POTEJ: variants seen among roughly 807,000 people sequenced by gnomAD.
POTEJ encodes POTE ankyrin domain family, member J.
Under a neutral mutation model 69.0 loss-of-function variants are expected in POTEJ, and 11 were observed. The ratio of observed to expected loss-of-function variants is 0.16; its 90% CI spans 0.10 to 0.26. The LOEUF is 0.26. Ranked by LOEUF, POTEJ falls within the 10% of genes least tolerant of loss-of-function variation. The pLI is 1.00. For missense variants in POTEJ, 327 were observed against 1,045.5 expected, an observed-to-expected ratio of 0.31 and a Z score of 9.48; for synonymous variants, 117 against 381.1, an observed-to-expected ratio of 0.31 and a Z score of 8.07.
upstream of POTEJ, among the ~76,000 whole-genome samples, chr2:130,611,299 T>TGGG (rs1303951185): frequency 4.1e-4 from 18 of 44,016 alleles, no homozygotes; most frequent in South Asian, 1.4e-3. Flanking sequence ...GGTGTTTTCT[T>TGGG]GGGGGGGGGG....
At chr2:130,652,220 C>G (rs910395622) in intron 13 of POTEJ, among the ~76,000 whole-genome samples, 4 of 136,156 alleles carry the variant, frequency 2.9e-5, no homozygotes, top group Admixed American at 1.4e-4. Flanking sequence ...TCCCCTTCCC[C>G]TTCTACCATG....
At chr2:130,643,103 A>G (rs1686452224) in intron 10 of POTEJ, among the ~76,000 whole-genome samples, 1 of 147,632 alleles carries the variant, frequency 6.8e-6, no homozygotes, top group Non-Finnish European at 1.5e-5. Context: ...ATGTGGAGGA[A>G]TAATGTACAG....
chr2:130,648,710 GCTGCTCCTCAT>G (rs1686684922), intron 13 of POTEJ, among the ~76,000 whole-genome samples: 1 of 137,998 alleles, frequency 7.2e-6, no homozygotes, highest in Non-Finnish European at 1.5e-5. Flanking sequence ...TGTTTTGCTT[GCTGCTCCTCAT>G]CTTTCTCCTT....
chr2:130,636,250 A>G, intron 9 of POTEJ, among the ~76,000 whole-genome samples: 2 of 152,224 alleles, frequency 1.3e-5, no homozygotes, highest in Non-Finnish European at 2.9e-5. Flanking sequence ...ACATTAAGGA[A>G]CATCCACTTT....
intron 1 of POTEJ, among the ~76,000 whole-genome samples, chr2:130,613,290 A>ATATGTATATATATG (rs1685292530): frequency 1.0e-5 from 1 of 98,610 alleles, no homozygotes; most frequent in Admixed American, 9.3e-5. Flanking sequence ...GTATATATAC[A>ATATGTATATATATG]TATATATACA....
At position 130,656,986 on chromosome 2, in the gene POTEJ, G is replaced by T; in HGVS notation, c.2226G>T (p.Trp742Cys). The change falls in exon 15 of 15, where the codon TGG becomes TGT. Residue 742 changes from tryptophan (W) to cysteine (C), a missense_variant. By Grantham distance (215) the Trp-to-Cys change is radical. Coordinates refer to ENST00000409602, the MANE Select transcript of POTEJ (RefSeq NM_001277083.2). ...YPMEHGIITNWDDMEKIWHHT... is the reference protein window; with the variant it reads ...YPMEHGIITNCDDMEKIWHHT... ...TGGAACACGGCATCATCACCAACTG[G>T]GATGACATGGAGAAGATCTGGCACC... 2 of 1,584,624 alleles carry T rather than the reference G, an allele frequency of 1.3e-6. No individual in the cohort carries two copies. Among genetic ancestry groups the T allele is most frequent in the Non-Finnish European group, 1.7e-6 (2 of 1,158,902 alleles).
At chr2:130,612,585 C>T (rs1336828736) in intron 1 of POTEJ, among the ~76,000 whole-genome samples, 1 of 152,108 alleles carries the variant, frequency 6.6e-6, no homozygotes, top group African/African-American at 2.4e-5. Flanking sequence ...ACGGTGAAAC[C>T]CTGTCTCTAC....
chr2:130,638,172 T>C (rs1350886347), intron 9 of POTEJ, among the ~76,000 whole-genome samples: 1 of 150,954 alleles, frequency 6.6e-6, no homozygotes, highest in Non-Finnish European at 1.5e-5. Context: ...AATTATTCCA[T>C]TGTTTTACTA....
chr2:130,612,069 AC>A (rs1685230566), intron 1 of POTEJ, 127 bp downstream of exon 1: 1 of 1,561,868 alleles, frequency 6.4e-7, no homozygotes, highest in Non-Finnish European at 8.7e-7. Flanking sequence ...GGTTGTGGAA[AC>A]CTCAGAGAGG....
At chr2:130,639,857 A>G (rs1228065590) in intron 10 of POTEJ, among the ~76,000 whole-genome samples, 1 of 152,340 alleles carries the variant, frequency 6.6e-6, no homozygotes, top group Admixed American at 6.5e-5. Flanking sequence ...AATAACTGTC[A>G]AATGTCTTTT....
In POTEJ at chr2:130,643,592, T is replaced by C. The variant is rs1441667336; in HGVS notation, c.1370-391T>C. Among the ~76,000 whole-genome samples the C allele has an allele frequency of 9.9e-4, 144 of 144,942 alleles. 2 individuals carry two copies. The highest frequency in any genetic ancestry group is 6.0e-3 in the East Asian group (31 of 5,138). ...GGAAACATTTTAGATATTAGGAAGA[T>C]GTTGTACACTAATAAAGGTGTCAGC... On this transcript the variant is annotated intron_variant, in intron 10 of 14. Coordinates refer to ENST00000409602, the MANE Select transcript of POTEJ (RefSeq NM_001277083.2).
chr2:130,631,613 A>C lies in POTEJ; in HGVS notation c.1131+160A>C, dbSNP rs1685903597. Among the ~76,000 whole-genome samples the C allele has an allele frequency of 2.1e-5, 3 of 141,478 alleles. 1 individual carries two copies. 92.8% of individuals were successfully genotyped at this position (141,478 alleles called of 152,430 possible). On this transcript the variant is annotated intron_variant, in intron 8 of 14. Coordinates refer to ENST00000409602, the MANE Select transcript of POTEJ (RefSeq NM_001277083.2). ...AACTCAGAAAGAATTCTGTACTTTGAGTTTTCAAGAGATACAAACCCTAGA... is the reference window on the plus strand; with the variant it reads ...AACTCAGAAAGAATTCTGTACTTTGCGTTTTCAAGAGATACAAACCCTAGA...
At chr2:130,656,094 C>T (rs1379743499) in intron 14 of POTEJ, among the ~76,000 whole-genome samples, 1 of 145,328 alleles carries the variant, frequency 6.9e-6, no homozygotes, top group Non-Finnish European at 1.5e-5. Flanking sequence ...TCCTTCTGTC[C>T]AAATATATGC....
intron 1 of POTEJ, among the ~76,000 whole-genome samples, chr2:130,615,736 C>T (rs1218104942): frequency 6.0e-5 from 9 of 149,156 alleles, no homozygotes; most frequent in Non-Finnish European, 1.0e-4. Flanking sequence ...CAAACCTGCA[C>T]ATCCGGCACA....
intron 11 of POTEJ, 57 bp from the exon 12 acceptor site, chr2:130,645,680 G>C: frequency 5.9e-6 from 2 of 339,412 alleles, no homozygotes; most frequent in Non-Finnish European, 1.1e-5. Context: ...CACTCCAAAA[G>C]AGGAAATGTC....
At chr2:130,649,281 C>T (rs1166665638) in intron 13 of POTEJ, among the ~76,000 whole-genome samples, 2 of 152,082 alleles carry the variant, frequency 1.3e-5, no homozygotes, top group South Asian at 2.1e-4. Flanking sequence ...GAAATCTACA[C>T]CTCATGTAGT....
At chr2:130,637,657 G>C (rs570358952) in intron 9 of POTEJ, among the ~76,000 whole-genome samples, 1 of 152,286 alleles carries the variant, frequency 6.6e-6, no homozygotes, top group African/African-American at 2.4e-5. Context: ...AACGTGTGGG[G>C]TGTTGTGTAC....
intron 1 of POTEJ, among the ~76,000 whole-genome samples, chr2:130,613,245 C>T (rs1483908943): frequency 6.3e-5 from 8 of 126,252 alleles, no homozygotes; most frequent in Non-Finnish European, 1.2e-4. Flanking sequence ...CATATATATA[C>T]ATATATATAC....
At chr2:130,641,272 A>T (rs1316131366) in intron 10 of POTEJ, among the ~76,000 whole-genome samples, 2 of 152,154 alleles carry the variant, frequency 1.3e-5, no homozygotes. Flanking sequence ...TATAGTTTCC[A>T]TGTCACACAT....
Sources: allele counts gnomAD v4.1 joint callset (sites outside exome capture counted in the v4.1 genomes callset), GRCh38; gene constraint gnomAD v4.1.1; transcripts MANE v1.5; gene names NCBI Gene and HGNC (gene_info 2026-07-23, HGNC 2026-07-21).